The following APOC3 variants were observed in gnomAD, a reference collection of about 807,000 sequenced individuals.
The protein encoded by APOC3 is apolipoprotein C-III.
In APOC3, 6 loss-of-function variants were observed where a neutral mutation model predicts 7.3. The observed-to-expected ratio is 0.82, with a 90% confidence interval of 0.45 to 1.61. APOC3 has a LOEUF of 1.61. Among genes scored for constraint, APOC3 ranks in the 40% most tolerant of loss-of-function variants. APOC3 has a pLI of 0.01. For synonymous variants in APOC3, 45 were observed against 51.2 expected (o/e 0.88, Z 0.52); for missense variants, 123 against 124.9 (o/e 0.98, Z 0.07).
rs753924368 is a variant in APOC3, at chr11:116,832,859, G to C, written c.275G>C (p.Arg92Thr). Residue 92 changes from arginine (R) to threonine (T), a missense_variant, in exon 4 of 4, where the codon AGA becomes ACA. Transcript: ENST00000227667. ...TTCTGGGATTTGGACCCTGAGGTCA[G>C]ACCAACTTCAGCCGTGGCTGCCTGA... ...SEFWDLDPEVRPTSAVAA is the reference protein window; with the variant it reads ...SEFWDLDPEVTPTSAVAA The C allele has an allele frequency of 4.4e-5, 71 of 1,613,866 alleles. No homozygotes were observed. Among genetic ancestry groups the C allele is most frequent in the Admixed American group, 1.2e-4 (7 of 60,000 alleles).
intron 3 of APOC3, chr11:116,831,217 CT>C (rs1335092348): frequency 6.0e-6 from 1 of 167,158 alleles, no homozygotes. Context: ...TTCTTTCTTT[CT>C]TTCTTTCTTT....
At chr11:116,831,195 T>A (rs1489785091) in intron 3 of APOC3, 1 of 42,724 alleles carries the variant, frequency 2.3e-5, no homozygotes, top group Non-Finnish European at 6.9e-5. Context: ...TTCTATTTCT[T>A]TCTTTCTTTC....
rs1237908709 is a variant in APOC3, at chr11:116,833,022, C to G, written c.*138C>G. ...TCCTACCCCACCTCATGCCTGGCCCCCCTCCAGGCATGCTGGCCTCCCAAT... is the reference window on the plus strand; with the variant it reads ...TCCTACCCCACCTCATGCCTGGCCCGCCTCCAGGCATGCTGGCCTCCCAAT... On this transcript the variant is annotated 3_prime_UTR_variant, in exon 4 of 4. Coordinates refer to ENST00000227667, the MANE Select transcript of APOC3 (RefSeq NM_000040.3). 9.8e-6 allele frequency: 12 copies of G among 1,224,532 alleles called. No individual in the cohort carries two copies. The highest frequency in any genetic ancestry group is 1.5e-5 in the African/African-American group (1 of 66,932). 75.9% of individuals were successfully genotyped at this position (1,224,532 alleles called of 1,614,324 possible).
chr11:116,830,271 G>A (rs1941431219), intron 1 of APOC3, among the ~76,000 whole-genome samples: 1 of 152,164 alleles, frequency 6.6e-6, no homozygotes, highest in Non-Finnish European at 1.5e-5. Flanking sequence ...GAGAGGGCCA[G>A]AAATCACCCA....
In APOC3 at chr11:116,830,637, C is replaced by G. The variant is rs76353203; in HGVS notation, c.55C>G (p.Arg19Gly). ...VALLALLASARASEAEDASLL... is the reference protein window; with the variant it reads ...VALLALLASAGASEAEDASLL... ...CCTCCTGGCGCTCCTGGCCTCTGCC[C>G]GTAAGCACTTGGTGGGACTGGGCTG... The change falls in exon 2 of 4, where the codon CGA (arginine) becomes GGA (glycine). Residue 19 changes from arginine to glycine, a missense_variant and splice_region_variant. Coordinates refer to ENST00000227667, the MANE Select transcript of APOC3 (RefSeq NM_000040.3). 3.1e-6 allele frequency: 5 copies of G among 1,613,898 alleles called. No individual in the cohort carries two copies. The highest frequency in any genetic ancestry group is 1.7e-5 in the Admixed American group (1 of 60,022).
Position 116,831,285 on chromosome 11 carries a change from T to TTTA in APOC3, c.179+391_179+392insATT, listed in dbSNP as rs1941455515. 4.5e-5 allele frequency among the ~76,000 whole-genome samples: 3 copies of TTTA among 66,286 alleles called. 1 individual carries two copies. In the South Asian group the frequency reaches 1.6e-3, roughly 34 times the overall value. The allele number at this position is 66,286 out of a possible 152,430, so 43.5% of individuals were successfully genotyped here. A position where few individuals can be genotyped will look rare whatever the true frequency, so the allele number is the denominator to read the frequency against. On this transcript the variant is annotated intron_variant, in intron 3 of 3. Coordinates refer to ENST00000227667, the MANE Select transcript of APOC3 (RefSeq NM_000040.3). ...TTCTTTCTTTCCTTTCTTTCTTTCC[T>TTTA]TTCTTTCTTTCTTTCCTTTCTTTCT...
At chr11:116,831,292 CTT>C (rs1491387053) in intron 3 of APOC3, among the ~76,000 whole-genome samples, 2,483 of 106,822 alleles carry the variant, frequency 0.023, 264 homozygotes, top group African/African-American at 0.089. Flanking sequence ...TCCTTTCTTT[CTT>C]TCTTTCCTTT....
chr11:116,831,962 G>A (rs1172863049), intron 3 of APOC3, among the ~76,000 whole-genome samples: 1 of 152,234 alleles, frequency 6.6e-6, no homozygotes, highest in Non-Finnish European at 1.5e-5. Flanking sequence ...TTCGTGCTGT[G>A]CAGCCCGGCT....
At chr11:116,831,823 G>A (rs1941465552) in intron 3 of APOC3, among the ~76,000 whole-genome samples, 1 of 152,168 alleles carries the variant, frequency 6.6e-6, no homozygotes, top group Non-Finnish European at 1.5e-5. Context: ...ATTCTCATAA[G>A]GAGCCCTCCA....
intron 3 of APOC3, among the ~76,000 whole-genome samples, chr11:116,831,969 G>A (rs746444672): frequency 8.5e-5 from 13 of 152,196 alleles, no homozygotes; most frequent in East Asian, 3.9e-4. Context: ...TGTGCAGCCC[G>A]GCTCCTAACA....
chr11:116,830,863 G>T lies in APOC3; in HGVS notation c.146G>T (p.Ser49Ile), dbSNP rs1416171435. ...AAGACCGCCAAGGATGCACTGAGCA[G>T]CGTGCAGGAGTCCCAGGTGGCCCAG... ...ATKTAKDALS[S>I]VQESQVAQQA... The change falls in exon 3 of 4, where the codon AGC becomes ATC. Residue 49 changes from serine to isoleucine, a missense_variant. Ser to Ile is a moderately radical substitution (Grantham distance 142, BLOSUM62 -2). Transcript: ENST00000227667. 4 of 1,613,000 alleles carry T rather than the reference G, an allele frequency of 2.5e-6. No individual in the cohort carries two copies. The South Asian group carries it at 3.3e-5, about 13-fold the overall frequency.
At chr11:116,830,541 G>A (rs764910753) in intron 1 of APOC3, 29 bp from the exon 2 acceptor site, 1 of 1,612,244 alleles carries the variant, frequency 6.2e-7, no homozygotes, top group Non-Finnish European at 8.5e-7. Context: ...GGGGACCTGG[G>A]GTGCCCCTCA....
intron 3 of APOC3, among the ~76,000 whole-genome samples, chr11:116,831,374 C>CT (rs796775531): frequency 3.8e-4 from 45 of 118,002 alleles, no homozygotes; most frequent in African/African-American, 8.1e-4. Flanking sequence ...CTTTCTTCTT[C>CT]TTTTTTTTTT....
rs1941450006 is a variant in APOC3, at chr11:116,831,232, T to TCTTTCTTTC, written c.179+337_179+345dup. 1.6e-5 allele frequency: 3 copies of TCTTTCTTTC among 183,258 alleles called. No individual in the cohort carries two copies. In the East Asian group the frequency reaches 3.5e-4, roughly 21 times the overall value. The allele number at this position is 183,258 out of a possible 1,614,324, so 11.4% of individuals were successfully genotyped here. ...TTCTTTCTTTCTTTCTTTCTTTCTT[T>TCTTTCTTTC]CTTTCTTTCTTTCTTTCTTTCTTTC... On this transcript the variant is annotated intron_variant, in intron 3 of 3. Transcript: ENST00000227667.
At chr11:116,830,242 A>T (rs1017376152) in intron 1 of APOC3, among the ~76,000 whole-genome samples, 3 of 152,120 alleles carry the variant, frequency 2.0e-5, no homozygotes, top group Admixed American at 6.5e-5. Flanking sequence ...CCTACCCCAG[A>T]CAGGGAAACT....
At chr11:116,831,215 T>TTCTTTC (rs1258478627) in intron 3 of APOC3, 1 of 166,658 alleles carries the variant, frequency 6.0e-6, no homozygotes, top group East Asian at 1.3e-4. Flanking sequence ...CTTTCTTTCT[T>TTCTTTC]TCTTTCTTTC....
At position 116,832,796 on chromosome 11, in the gene APOC3, A is replaced by G. The variant is rs1425846929; in HGVS notation, c.212A>G (p.Lys71Arg). 2 of 1,614,140 alleles carry G rather than the reference A, an allele frequency of 1.2e-6. No homozygotes were observed. Among genetic ancestry groups the G allele is most frequent in the Non-Finnish European group, 1.7e-6 (2 of 1,180,032 alleles). The change falls in exon 4 of 4, where the codon AAA becomes AGA. Residue 71 changes from lysine (K) to arginine (R), a missense_variant. Physicochemically the swap from Lys to Arg is conservative, Grantham distance 26 (BLOSUM62 2). Transcript: ENST00000227667. ...GTGACCGATGGCTTCAGTTCCCTGA[A>G]AGACTACTGGAGCACCGTTAAGGAC... ...GWVTDGFSSL[K>R]DYWSTVKDKF...
chr11:116,830,567 C>A lies in APOC3; in HGVS notation c.-13-3C>A, dbSNP rs1941434441. The A allele has an allele frequency of 6.2e-7, 1 of 1,613,982 alleles. No homozygotes were observed. Among genetic ancestry groups the A allele is most frequent in the East Asian group, 2.2e-5 (1 of 44,864 alleles). ...GTGCCCCTCACAGGACACTTCCTTG[C>A]AGGAACAGAGGTGCCATGCAGCCCC... is the stretch of plus-strand genomic sequence containing the variant. On this transcript the variant is annotated splice_region_variant and splice_polypyrimidine_tract_variant and intron_variant, in intron 1 of 3. Transcript: ENST00000227667.
intron 3 of APOC3, 32 bp downstream of exon 3, chr11:116,830,928 C>G: frequency 6.2e-7 from 1 of 1,607,562 alleles, no homozygotes; most frequent in Non-Finnish European, 8.5e-7. Flanking sequence ...CCCATCCCCC[C>G]TGCCAGCTGC....
Sources: gnomAD v4.1 joint callset for allele counts (sites outside exome capture counted in the v4.1 genomes callset) on GRCh38, gnomAD v4.1.1 for gene constraint, MANE v1.5 for transcripts, NCBI Gene and HGNC (gene_info 2026-07-23, HGNC 2026-07-21) for gene names.